The following PIP5K1B variants were observed in gnomAD, a reference collection of about 807,000 sequenced individuals.
PIP5K1B encodes the protein phosphatidylinositol 4-phosphate 5-kinase type-1 beta.
A neutral mutation model predicts 67.0 loss-of-function variants in PIP5K1B; 42 were observed. That is an observed-to-expected ratio of 0.63 (90% CI 0.49 to 0.81). The LOEUF is 0.81. PIP5K1B is among the 30% of genes least tolerant of loss of function. The pLI, the probability that PIP5K1B is intolerant of heterozygous loss-of-function variation, is 0.00. For missense variants in PIP5K1B, 459 were observed against 646.3 expected, an observed-to-expected ratio of 0.71 and a Z score of 3.14; for synonymous variants, 214 against 231.4, an observed-to-expected ratio of 0.92 and a Z score of 0.68.
chr9:68,938,495 A>G (rs1307100931), intron 13 of PIP5K1B, among the ~76,000 whole-genome samples: 2 of 152,028 alleles, frequency 1.3e-5, no homozygotes, highest in Admixed American at 1.3e-4. Flanking sequence ...GTGAGTCTGC[A>G]CATGAGATGG....
chr9:68,867,583 G>GTC (rs1247338033), intron 5 of PIP5K1B, among the ~76,000 whole-genome samples: 2 of 152,210 alleles, frequency 1.3e-5, no homozygotes, highest in East Asian at 3.8e-4. Context: ...TGCTGTAGCA[G>GTC]TCAAAAAACC....
chr9:68,712,992 A>G (rs1277268433), intron 1 of PIP5K1B, among the ~76,000 whole-genome samples: 1 of 152,200 alleles, frequency 6.6e-6, no homozygotes, highest in Admixed American at 6.5e-5. Context: ...GCTGGTATTT[A>G]TTTGAACATC....
intron 1 of PIP5K1B, among the ~76,000 whole-genome samples, chr9:68,719,118 T>G (rs1827764865): frequency 6.6e-6 from 1 of 152,174 alleles, no homozygotes. Flanking sequence ...TCTGCCCTGT[T>G]TTTGGGTTGT....
chr9:68,781,646 T>A, intron 2 of PIP5K1B: 1 of 166,990 alleles, frequency 6.0e-6, no homozygotes. Context: ...ATTAAGTATA[T>A]AAAAGTAAAC....
chr9:68,822,478 G>C (rs1391855085), intron 3 of PIP5K1B, 137 bp from the exon 4 acceptor site: 1 of 577,978 alleles, frequency 1.7e-6, no homozygotes, highest in Non-Finnish European at 3.1e-6. Context: ...AAATGTTTCT[G>C]TCTTCCTTAG....
At chr9:68,964,692 G>T (rs1464881644) in intron 14 of PIP5K1B, among the ~76,000 whole-genome samples, 1 of 152,202 alleles carries the variant, frequency 6.6e-6, no homozygotes, top group African/African-American at 2.4e-5. Context: ...GAAGAAATAG[G>T]CTACCCTGAA....
intron 14 of PIP5K1B, among the ~76,000 whole-genome samples, chr9:68,962,267 A>G (rs1047526799): frequency 2.0e-4 from 28 of 138,146 alleles, no homozygotes; most frequent in Non-Finnish European, 1.7e-4. Flanking sequence ...TTTGTGTAAA[A>G]TCAAAAGATT....
chr9:68,826,472 G>A (rs941224869), intron 4 of PIP5K1B, among the ~76,000 whole-genome samples: 9 of 152,182 alleles, frequency 5.9e-5, no homozygotes, highest in African/African-American at 2.2e-4. Flanking sequence ...TTAAATAACA[G>A]CAACTAATTC....
At position 68,889,018 on chromosome 9, in the gene PIP5K1B, A is replaced by AC; in HGVS notation, c.359dup (p.Gly121TrpfsTer12). ...AGTGAACCTCTAATAGAACTGTCTA[A>AC]CCCTGGAGCCAGTGGATCCTTGTTT... On this transcript the variant is annotated frameshift_variant, in exon 7 of 16. Coordinates refer to ENST00000265382, the MANE Select transcript of PIP5K1B (RefSeq NM_003558.4). LOFTEE classifies it high-confidence loss of function. The AC allele has an allele frequency of 6.2e-7, 1 of 1,611,500 alleles. No individual in the cohort carries two copies. The highest frequency in any genetic ancestry group is 1.1e-5 in the South Asian group (1 of 91,020).
At chr9:68,839,508 C>T (rs1260305727) in intron 4 of PIP5K1B, among the ~76,000 whole-genome samples, 1 of 152,136 alleles carries the variant, frequency 6.6e-6, no homozygotes. Flanking sequence ...CTCCCTTAAA[C>T]ACCCTGTGGA....
chr9:68,780,093 C>G (rs1368877151), intron 2 of PIP5K1B: 1 of 1,365,480 alleles, frequency 7.3e-7, no homozygotes, highest in Admixed American at 3.2e-5. Context: ...GCAGCGGCGG[C>G]GGCCCTGGAC....
chr9:68,746,368 C>A (rs1200597487), intron 2 of PIP5K1B, among the ~76,000 whole-genome samples: 4 of 152,124 alleles, frequency 2.6e-5, no homozygotes, highest in Non-Finnish European at 4.4e-5. Context: ...CAAACAGATT[C>A]TTAGTTATAT....
chr9:68,939,042 A>G (rs1477977844), intron 13 of PIP5K1B, among the ~76,000 whole-genome samples: 1 of 152,240 alleles, frequency 6.6e-6, no homozygotes, highest in Non-Finnish European at 1.5e-5. Flanking sequence ...GCTAGGTCAC[A>G]TCACATAGCC....
In PIP5K1B at chr9:68,887,531, G is replaced by T. The variant is rs538461898; in HGVS notation, c.319-1450G>T. Reference sequence around the variant, plus strand: ...CTCTGTTAAGAACCATTGATTTTTAGATCTCACAAATAAGTGAGAACATGC... The same window carrying T: ...CTCTGTTAAGAACCATTGATTTTTATATCTCACAAATAAGTGAGAACATGC... On this transcript the variant is annotated intron_variant, in intron 6 of 15. Transcript: ENST00000265382. Among the ~76,000 whole-genome samples the T allele has an allele frequency of 3.3e-5, 5 of 152,276 alleles. No homozygotes were observed. In the East Asian group the frequency reaches 9.6e-4, roughly 29 times the overall value.
intron 1 of PIP5K1B, among the ~76,000 whole-genome samples, chr9:68,712,416 G>A (rs1479723914): frequency 2.6e-5 from 4 of 152,250 alleles, no homozygotes; most frequent in African/African-American, 7.2e-5. Flanking sequence ...AGATTAACAC[G>A]GATACTTATT....
intron 4 of PIP5K1B, among the ~76,000 whole-genome samples, chr9:68,831,638 TAAACTC>T (rs1193354974): frequency 1.3e-5 from 2 of 152,352 alleles, no homozygotes; most frequent in African/African-American, 2.4e-5. Flanking sequence ...GTCAGTAAGA[TAAACTC>T]AGACAGCTTT....
intron 2 of PIP5K1B, among the ~76,000 whole-genome samples, chr9:68,818,125 T>C (rs7852244): frequency 0.054 from 8,175 of 152,278 alleles, 415 homozygotes; most frequent in East Asian, 0.13. Flanking sequence ...CTGTGGTTCA[T>C]TTGAGCAACT....
intron 13 of PIP5K1B, among the ~76,000 whole-genome samples, chr9:68,935,432 C>T (rs527488890): frequency 5.9e-5 from 9 of 152,310 alleles, no homozygotes; most frequent in African/African-American, 2.2e-4. Flanking sequence ...TGCACCATTG[C>T]ATTCCAGCCT....
intron 8 of PIP5K1B, among the ~76,000 whole-genome samples, chr9:68,908,910 C>T (rs1212505546): frequency 3.3e-5 from 5 of 152,216 alleles, no homozygotes; most frequent in Non-Finnish European, 2.9e-5. Context: ...CAACTGGAAA[C>T]ATTACTCAGG....
Sources: gnomAD v4.1 joint callset for allele counts (sites outside exome capture counted in the v4.1 genomes callset) on GRCh38, gnomAD v4.1.1 for gene constraint, MANE v1.5 for transcripts, NCBI Gene and HGNC (gene_info 2026-07-23, HGNC 2026-07-21) for gene names.